ODAD2: variants seen among roughly 807,000 people sequenced by gnomAD.
ODAD2 encodes the protein outer dynein arm docking complex subunit 2, also known as outer dynein arm-docking complex subunit 2.
Under a neutral mutation model 106.8 loss-of-function variants are expected in ODAD2, and 89 were observed. That is an observed-to-expected ratio of 0.83 (90% CI 0.70 to 0.99). The LOEUF is 0.99. Among genes scored for constraint, ODAD2 ranks in the 50% least tolerant of loss-of-function variants. The pLI, the probability that ODAD2 is intolerant of heterozygous loss-of-function variation, is 0.00. For synonymous variants in ODAD2, 404 were observed against 436.2 expected (o/e 0.93, Z 0.92); for missense variants, 1,168 against 1,238.5 (o/e 0.94, Z 0.85).
intron 16 of ODAD2, among the ~76,000 whole-genome samples, chr10:27,924,429 T>A (rs560404519): frequency 1.1e-4 from 16 of 150,926 alleles, no homozygotes; most frequent in African/African-American, 2.7e-4. Flanking sequence ...TATTATTTTT[T>A]AAAAAATTAA....
rs577764150 is a variant in ODAD2, at chr10:27,958,358, G to A, written c.1386+3210C>T. Among the ~76,000 whole-genome samples the A allele has an allele frequency of 2.6e-5, 4 of 152,256 alleles. No individual in the cohort carries two copies. The South Asian group carries it at 8.3e-4, about 32-fold the overall frequency. ...CTCAAGACAGTTATCCAGTAATTAG[G>A]CTATTATGAGAAACTCTCTTTGCCA... is the stretch of plus-strand genomic sequence containing the variant. On this transcript the variant is annotated intron_variant, in intron 10 of 19. Coordinates refer to ENST00000305242, the MANE Select transcript of ODAD2 (RefSeq NM_018076.5).
intron 19 of ODAD2, among the ~76,000 whole-genome samples, chr10:27,834,138 T>C (rs1837685615): frequency 1.3e-5 from 2 of 152,262 alleles, no homozygotes; most frequent in South Asian, 4.2e-4. Flanking sequence ...CCAAGACAAG[T>C]CCTATGAATG....
At position 27,812,234 on chromosome 10, in the gene ODAD2, C is replaced by T; in HGVS notation, c.*278G>A. On this transcript the variant is annotated 3_prime_UTR_variant, in exon 20 of 20. Transcript: ENST00000305242. ...CAAAAGCATCACTGAACTAAAAATA[C>T]ATCATATACGTATATTCTCATATTC... 5.4e-6 allele frequency: 2 copies of T among 368,918 alleles called. No individual in the cohort carries two copies. Among genetic ancestry groups the T allele is most frequent in the Non-Finnish European group, 9.6e-6 (2 of 208,906 alleles). The allele number at this position is 368,918 out of a possible 1,614,324, so 22.9% of individuals were successfully genotyped here. A position where few individuals can be genotyped will look rare whatever the true frequency, so the allele number is the denominator to read the frequency against.
At chr10:27,925,950 G>A (rs1352697714) in intron 16 of ODAD2, among the ~76,000 whole-genome samples, 1 of 148,804 alleles carries the variant, frequency 6.7e-6, no homozygotes, top group Non-Finnish European at 1.5e-5. Flanking sequence ...GGGTTGCAGT[G>A]AGCCAAGATG....
At chr10:27,888,786 G>A (rs1233074676) in intron 17 of ODAD2, among the ~76,000 whole-genome samples, 1 of 152,110 alleles carries the variant, frequency 6.6e-6, no homozygotes, top group African/African-American at 2.4e-5. Context: ...TTCAACAAGG[G>A]TGTCAAAACT....
At chr10:27,923,907 C>T (rs754825267) in intron 16 of ODAD2, among the ~76,000 whole-genome samples, 4 of 142,318 alleles carry the variant, frequency 2.8e-5, no homozygotes, top group Non-Finnish European at 6.0e-5. Context: ...TATGATTACA[C>T]CACTGCATTC....
intron 16 of ODAD2, among the ~76,000 whole-genome samples, chr10:27,910,991 T>C (rs557333292): frequency 6.6e-4 from 101 of 152,332 alleles, no homozygotes; most frequent in Non-Finnish European, 1.2e-3. Context: ...TTATTAAATA[T>C]AGATTGTTGA....
At chr10:27,948,798 TTTTTTG>T (rs1847122797) in intron 10 of ODAD2, among the ~76,000 whole-genome samples, 1 of 146,602 alleles carries the variant, frequency 6.8e-6, no homozygotes, top group African/African-American at 2.6e-5. Context: ...TTTTTTTTTT[TTTTTTG>T]CAATTGACAT....
intron 17 of ODAD2, among the ~76,000 whole-genome samples, chr10:27,889,342 T>C (rs1362055737): frequency 6.6e-6 from 1 of 152,138 alleles, no homozygotes; most frequent in African/African-American, 2.4e-5. Flanking sequence ...AAGGACAGTC[T>C]GCCTGAAAGA....
At chr10:27,833,541 T>C (rs1160833324) in intron 19 of ODAD2, among the ~76,000 whole-genome samples, 1 of 152,218 alleles carries the variant, frequency 6.6e-6, no homozygotes, top group African/African-American at 2.4e-5. Context: ...AAGAAAAATA[T>C]TGTAAGTATG....
chr10:27,958,791 T>C (rs537747146), intron 10 of ODAD2: 146 of 1,211,654 alleles, frequency 1.2e-4, no homozygotes, highest in Admixed American at 4.6e-4. Flanking sequence ...TATTTTTCCA[T>C]CTTCACCAAT....
chr10:27,986,080 A>T (rs1347139684), intron 3 of ODAD2, among the ~76,000 whole-genome samples: 2 of 152,230 alleles, frequency 1.3e-5, no homozygotes, highest in Non-Finnish European at 2.9e-5. Context: ...TAGTGAAGGC[A>T]TTAACATTCC....
chr10:27,937,747 A>T (rs1846093388), intron 14 of ODAD2, among the ~76,000 whole-genome samples: 1 of 152,172 alleles, frequency 6.6e-6, no homozygotes, highest in South Asian at 2.1e-4. Context: ...ACAGTGCACC[A>T]TACAGGCACC....
chr10:27,969,464 A>C (rs1274820129), intron 8 of ODAD2, among the ~76,000 whole-genome samples: 1 of 152,312 alleles, frequency 6.6e-6, no homozygotes, highest in Non-Finnish European at 1.5e-5. Context: ...CTCATGCTTG[A>C]AAGAGTAAGA....
At chr10:27,965,130 A>C (rs967481313) in intron 9 of ODAD2, among the ~76,000 whole-genome samples, 2 of 152,140 alleles carry the variant, frequency 1.3e-5, no homozygotes, top group African/African-American at 4.8e-5. Context: ...CATAGGATGA[A>C]AGTGATAGTC....
At chr10:27,975,608 T>C (rs1849140443) in intron 7 of ODAD2, among the ~76,000 whole-genome samples, 1 of 152,174 alleles carries the variant, frequency 6.6e-6, no homozygotes, top group Admixed American at 6.5e-5. Flanking sequence ...CTGTATACTG[T>C]CATAGCTGTC....
intron 10 of ODAD2, 100 bp from the exon 11 acceptor site, chr10:27,945,062 A>G (rs1466969528): frequency 4.3e-6 from 6 of 1,392,378 alleles, no homozygotes; most frequent in African/African-American, 1.4e-5. Context: ...CATGTCTCTG[A>G]GTGGGCTAGA....
chr10:27,982,239 T>A (rs1374610949), intron 6 of ODAD2, among the ~76,000 whole-genome samples: 2 of 152,164 alleles, frequency 1.3e-5, no homozygotes, highest in Admixed American at 1.3e-4. Flanking sequence ...TTGTTATATA[T>A]AACTGTATAC....
chr10:27,875,581 G>A (rs139429522), intron 17 of ODAD2, among the ~76,000 whole-genome samples: 2,019 of 152,208 alleles, frequency 0.013, 43 homozygotes, highest in African/African-American at 0.045. Context: ...CAAGATGGCC[G>A]AATAGGAACA....
Sources: allele counts gnomAD v4.1 joint callset (sites outside exome capture counted in the v4.1 genomes callset), GRCh38; gene constraint gnomAD v4.1.1; transcripts MANE v1.5; gene names NCBI Gene and HGNC (gene_info 2026-07-23, HGNC 2026-07-21).